Variants in RBM19 observed in about 807,000 individuals in gnomAD.
RBM19 encodes probable RNA-binding protein 19.
A neutral mutation model predicts 116.8 loss-of-function variants in RBM19; 94 were observed. That is an observed-to-expected ratio of 0.80 (90% CI 0.68 to 0.95). RBM19 has a LOEUF of 0.95. RBM19 is among the 40% of genes least tolerant of loss of function. The pLI is 0.00. For synonymous variants in RBM19, 475 were observed against 494.1 expected (o/e 0.96, Z 0.51); for missense variants, 1,161 against 1,220.7 (o/e 0.95, Z 0.73).
chr12:113,959,799 C>T (rs1593657450), intron 4 of RBM19, 66 bp downstream of exon 4: 5 of 1,481,988 alleles, frequency 3.4e-6, no homozygotes, highest in Non-Finnish European at 2.7e-6. Flanking sequence ...TCTACCCTCT[C>T]CAGTCTCCAC....
chr12:113,925,511 G>GA (rs1868988224), intron 17 of RBM19, among the ~76,000 whole-genome samples: 1 of 152,138 alleles, frequency 6.6e-6, no homozygotes. Context: ...ACTCACTCAG[G>GA]GTCACATCAT....
intron 21 of RBM19, among the ~76,000 whole-genome samples, chr12:113,888,420 T>G (rs1429393643): frequency 6.6e-6 from 1 of 152,216 alleles, no homozygotes; most frequent in Non-Finnish European, 1.5e-5. Flanking sequence ...CACATTCCAG[T>G]GGCCACTGTC....
At chr12:113,865,197 T>C (rs2135753855) in intron 21 of RBM19, among the ~76,000 whole-genome samples, 1 of 152,324 alleles carries the variant, frequency 6.6e-6, no homozygotes, top group Middle Eastern at 3.4e-3. Context: ...GCTTTCCCCA[T>C]TCCCTGAACC....
chr12:113,947,259 C>CAG, intron 11 of RBM19, 75 bp downstream of exon 11: 1 of 1,080,976 alleles, frequency 9.3e-7, no homozygotes, highest in South Asian at 2.0e-5. Context: ...CACACACATA[C>CAG]ACACACACAC....
At chr12:113,933,786 T>G (rs1053988197) in intron 16 of RBM19, among the ~76,000 whole-genome samples, 1 of 152,198 alleles carries the variant, frequency 6.6e-6, no homozygotes, top group Middle Eastern at 3.2e-3. Context: ...ACTTGTGACA[T>G]CTCACTTGTC....
intron 23 of RBM19, among the ~76,000 whole-genome samples, chr12:113,827,024 G>A (rs1372467393): frequency 6.6e-6 from 1 of 152,188 alleles, no homozygotes; most frequent in Non-Finnish European, 1.5e-5. Context: ...CAGGCCCCGA[G>A]TTCCCACCGA....
intron 21 of RBM19, among the ~76,000 whole-genome samples, chr12:113,871,996 A>G: frequency 7.1e-6 from 1 of 141,580 alleles, no homozygotes; most frequent in Non-Finnish European, 1.5e-5. Flanking sequence ...ATCGTCTGGG[A>G]TGTGAGGAGC....
intron 21 of RBM19, among the ~76,000 whole-genome samples, chr12:113,893,397 C>G (rs1233894309): frequency 6.6e-6 from 1 of 152,170 alleles, no homozygotes; most frequent in Non-Finnish European, 1.5e-5. Flanking sequence ...CCCAAAAGTG[C>G]TGGGATTACA....
chr12:113,844,608 C>T, intron 23 of RBM19, 60 bp downstream of exon 23: 3 of 1,549,938 alleles, frequency 1.9e-6, no homozygotes, highest in African/African-American at 2.7e-5. Flanking sequence ...GATGTCCCAC[C>T]CACCTCTTGT....
At chr12:113,912,835 C>A (rs1882526709) in intron 21 of RBM19, among the ~76,000 whole-genome samples, 2 of 152,172 alleles carry the variant, frequency 1.3e-5, no homozygotes, top group South Asian at 4.1e-4. Context: ...GTCTGAAATC[C>A]TGTCTGGGGC....
chr12:113,881,076 G>T (rs75606772), intron 21 of RBM19, among the ~76,000 whole-genome samples: 1 of 152,118 alleles, frequency 6.6e-6, no homozygotes, highest in African/African-American at 2.4e-5. Flanking sequence ...CACACGCAAG[G>T]CTTGCCTGAA....
At chr12:113,832,427 T>A (rs1357170844) in intron 23 of RBM19, among the ~76,000 whole-genome samples, 1 of 152,202 alleles carries the variant, frequency 6.6e-6, no homozygotes, top group African/African-American at 2.4e-5. Context: ...TGGGCTCAAG[T>A]GATCCACCCA....
chr12:113,893,569 T>C, intron 21 of RBM19, among the ~76,000 whole-genome samples: 1 of 152,226 alleles, frequency 6.6e-6, no homozygotes, highest in Non-Finnish European at 1.5e-5. Context: ...TGAACACTGG[T>C]AGTGTTTCTA....
At chr12:113,817,391 G>T (rs1874113285), downstream of RBM19, 1 of 152,350 alleles carries the variant, frequency 6.6e-6, no homozygotes, top group African/African-American at 2.4e-5. Context: ...ATGAATGAAT[G>T]AATGAGGGAG....
chr12:113,941,406 C>T (rs546765794), intron 14 of RBM19, among the ~76,000 whole-genome samples: 2 of 152,338 alleles, frequency 1.3e-5, no homozygotes, highest in South Asian at 4.1e-4. Flanking sequence ...GTGGTTCCTT[C>T]TGTAGGGTGG....
At chr12:113,881,005 T>C (rs1192999334) in intron 21 of RBM19, among the ~76,000 whole-genome samples, 2 of 152,192 alleles carry the variant, frequency 1.3e-5, no homozygotes, top group Non-Finnish European at 2.9e-5. Flanking sequence ...AGTTTTGGGC[T>C]GTGAACATCA....
intron 21 of RBM19, among the ~76,000 whole-genome samples, chr12:113,868,986 C>T (rs971832479): frequency 1.3e-5 from 2 of 152,164 alleles, no homozygotes; most frequent in Non-Finnish European, 2.9e-5. Flanking sequence ...AACCAACGTC[C>T]CCCAGCCCAC....
At chr12:113,917,332 C>T (rs1032038789) in intron 20 of RBM19, among the ~76,000 whole-genome samples, 8 of 152,208 alleles carry the variant, frequency 5.3e-5, no homozygotes, top group Admixed American at 2.6e-4. Flanking sequence ...CTACTTAGCA[C>T]GTTTCACTTC....
intron 1 of RBM19, chr12:113,965,987 C>T (rs901294260): frequency 1.6e-6 from 1 of 609,076 alleles, no homozygotes; most frequent in African/African-American, 1.9e-5. Flanking sequence ...AAACAACCGG[C>T]CGTGAAACCG....
Sources: gnomAD v4.1 joint callset for allele counts (sites outside exome capture counted in the v4.1 genomes callset) on GRCh38, gnomAD v4.1.1 for gene constraint, MANE v1.5 for transcripts, NCBI Gene and HGNC (gene_info 2026-07-23, HGNC 2026-07-21) for gene names.